CSTPP1: variants seen among roughly 807,000 people sequenced by gnomAD.
CSTPP1 encodes the protein UPF0705 protein C11orf49.
the CSTPP1 span, among the ~76,000 whole-genome samples, chr11:47,157,570 C>T: frequency 7.9e-5 from 12 of 152,226 alleles, no homozygotes; most frequent in Middle Eastern, 3.4e-3. Context: ...CCCTTAGGGA[C>T]TGAGCAACAG....
chr11:47,131,483 A>G, the CSTPP1 span, among the ~76,000 whole-genome samples: 3 of 152,230 alleles, frequency 2.0e-5, no homozygotes, highest in Admixed American at 6.5e-5. Context: ...TTGGGAATCA[A>G]TAATTTCTGA....
At chr11:47,079,164 C>T in the CSTPP1 span, among the ~76,000 whole-genome samples, 2 of 151,822 alleles carry the variant, frequency 1.3e-5, no homozygotes, top group Non-Finnish European at 1.5e-5. Context: ...TCATGAGCAA[C>T]GAAAAAGAAA....
At chr11:47,066,792 G>A in the CSTPP1 span, among the ~76,000 whole-genome samples, 14 of 152,158 alleles carry the variant, frequency 9.2e-5, no homozygotes, top group African/African-American at 2.9e-4. Context: ...TACAACTGTC[G>A]TCATTCAGCG....
At chr11:46,968,353 A>AATAT in the CSTPP1 span, among the ~76,000 whole-genome samples, 1 of 146,774 alleles carries the variant, frequency 6.8e-6, no homozygotes, top group Non-Finnish European at 1.5e-5. Context: ...ATATTTAATT[A>AATAT]ATATATATAA....
the CSTPP1 span, among the ~76,000 whole-genome samples, chr11:47,018,933 G>C: frequency 1.3e-5 from 2 of 151,920 alleles, no homozygotes; most frequent in African/African-American, 4.8e-5. Context: ...CAAGTCCTTT[G>C]TAATCTGCAA....
the CSTPP1 span, among the ~76,000 whole-genome samples, chr11:47,122,481 C>T: frequency 1.3e-5 from 2 of 152,020 alleles, no homozygotes; most frequent in South Asian, 2.1e-4. Flanking sequence ...TTCCTGCCTG[C>T]CGGCCTGCCA....
At chr11:47,117,877 C>CTTTTTTTT in the CSTPP1 span, among the ~76,000 whole-genome samples, 5 of 66,368 alleles carry the variant, frequency 7.5e-5, no homozygotes, top group Admixed American at 2.0e-4. Context: ...TATTTCTTTT[C>CTTTTTTTT]TTTTTTTTTT....
chr11:46,948,306 A>C, the CSTPP1 span: 6 of 377,378 alleles, frequency 1.6e-5, no homozygotes, highest in African/African-American at 6.3e-5. Flanking sequence ...GGAGAGATTA[A>C]ATGTGTCTGG....
At chr11:47,137,635 T>G in the CSTPP1 span, 1 of 1,614,180 alleles carries the variant, frequency 6.2e-7, no homozygotes, top group Non-Finnish European at 8.5e-7. Context: ...CCTCTCCATT[T>G]CCACTTCAGA....
the CSTPP1 span, among the ~76,000 whole-genome samples, chr11:46,997,228 A>G: frequency 6.6e-6 from 1 of 152,156 alleles, no homozygotes; most frequent in Non-Finnish European, 1.5e-5. Context: ...ACATAGTCCC[A>G]TATTTCTTGG....
At chr11:46,965,486 A>G in the CSTPP1 span, among the ~76,000 whole-genome samples, 5 of 152,210 alleles carry the variant, frequency 3.3e-5, no homozygotes, top group Admixed American at 2.6e-4. Context: ...GGGCCTCCCA[A>G]AGTGTTAGGA....
At chr11:47,161,119 TCTC>T in the CSTPP1 span, 1 of 1,613,960 alleles carries the variant, frequency 6.2e-7, no homozygotes, top group South Asian at 1.1e-5. Context: ...CCCCCAATGA[TCTC>T]CTAGGAGCTT....
chr11:46,945,343 G>A, the CSTPP1 span, among the ~76,000 whole-genome samples: 1 of 152,096 alleles, frequency 6.6e-6, no homozygotes, highest in Non-Finnish European at 1.5e-5. Flanking sequence ...GGCCAGGTGC[G>A]GTGGCTCATG....
the CSTPP1 span, among the ~76,000 whole-genome samples, chr11:47,085,172 C>T: frequency 6.6e-6 from 1 of 152,174 alleles, no homozygotes; most frequent in Non-Finnish European, 1.5e-5. Context: ...CCACTGCACT[C>T]CAGCCTGGCA....
At chr11:46,938,173 G>A in the CSTPP1 span, among the ~76,000 whole-genome samples, 1 of 152,020 alleles carries the variant, frequency 6.6e-6, no homozygotes, top group African/African-American at 2.4e-5. Flanking sequence ...TGCACATGGC[G>A]AGAAGTTTTA....
At chr11:47,146,856 A>G in the CSTPP1 span, among the ~76,000 whole-genome samples, 2 of 152,258 alleles carry the variant, frequency 1.3e-5, no homozygotes, top group African/African-American at 2.4e-5. Flanking sequence ...ATGAATAGCT[A>G]TATATGCATC....
At chr11:46,981,430 T>C in the CSTPP1 span, among the ~76,000 whole-genome samples, 1 of 152,168 alleles carries the variant, frequency 6.6e-6, no homozygotes, top group African/African-American at 2.4e-5. Flanking sequence ...TTTATCTGTA[T>C]TGTTTGAACC....
At chr11:46,977,629 T>C in the CSTPP1 span, among the ~76,000 whole-genome samples, 10 of 152,392 alleles carry the variant, frequency 6.6e-5, 1 homozygote, top group East Asian at 1.9e-3. Context: ...AAGCTGTTTA[T>C]GAACGGTGGC....
At chr11:46,988,422 G>C in the CSTPP1 span, among the ~76,000 whole-genome samples, 1 of 152,088 alleles carries the variant, frequency 6.6e-6, no homozygotes, top group Non-Finnish European at 1.5e-5. Flanking sequence ...AACATGAATG[G>C]AACTGAAGAT....
Sources: gnomAD v4.1 joint callset for allele counts (sites outside exome capture counted in the v4.1 genomes callset) on GRCh38, gnomAD v4.1.1 for gene constraint, MANE v1.5 for transcripts, NCBI Gene and HGNC (gene_info 2026-07-23, HGNC 2026-07-21) for gene names.